The following VPS41 variants were observed in gnomAD, a reference collection of about 807,000 sequenced individuals.
VPS41 encodes VPS41 subunit of HOPS complex, also known as vacuolar protein sorting-associated protein 41 homolog.
In VPS41, 85 loss-of-function variants were observed where a neutral mutation model predicts 130.9. The observed-to-expected ratio is 0.65, with a 90% confidence interval of 0.55 to 0.78. The LOEUF (loss-of-function observed/expected upper bound fraction) is 0.78. VPS41 is among the 30% of genes least tolerant of loss of function. VPS41 has a pLI of 0.00. For synonymous variants in VPS41, 335 were observed against 332.9 expected (o/e 1.01, Z -0.07); for missense variants, 874 against 1,018.7 (o/e 0.86, Z 1.93).
At chr7:38,774,705 A>G (rs1046946986) in intron 11 of VPS41, among the ~76,000 whole-genome samples, 1 of 152,210 alleles carries the variant, frequency 6.6e-6, no homozygotes, top group Non-Finnish European at 1.5e-5. Context: ...TATGTATAAG[A>G]AAAGCATCAG....
In VPS41 at chr7:38,723,777, T is replaced by C. The variant is rs1041293874; in HGVS notation, c.*2469A>G. The C allele has an allele frequency of 1.4e-5, 2 of 147,208 alleles. No individual in the cohort carries two copies. The highest frequency in any genetic ancestry group is 5.1e-5 in the African/African-American group (2 of 39,242). 9.1% of individuals were successfully genotyped at this position (147,208 alleles called of 1,614,324 possible). ...AGAATAGCTTATGAAGTGTGTACTTTGCAACTATGTTCTTCCCCAAAACGA... is the reference window on the plus strand; with the variant it reads ...AGAATAGCTTATGAAGTGTGTACTTCGCAACTATGTTCTTCCCCAAAACGA... On this transcript the variant is annotated 3_prime_UTR_variant, in exon 29 of 29. Coordinates refer to ENST00000310301, the MANE Select transcript of VPS41 (RefSeq NM_014396.4).
rs775626175 is a variant in VPS41 at position 38,758,431 on chromosome 7, TG to T, written c.1472del (p.Ser491Ter). 6.2e-7 allele frequency: 1 copy of T among 1,613,346 alleles called. No individual in the cohort carries two copies. On this transcript the variant is annotated frameshift_variant, in exon 18 of 29. Transcript: ENST00000310301. LOFTEE classifies it high-confidence loss of function. ...GATCCCGAACTGCTTGAACTATGAC[TG>T]AATTATTATACAGATCTCCAGGCCA... ...REWPGDLYNN[S>X]VIVQAVRDHL...
rs1196599025 is a variant in VPS41 at position 38,731,752 on chromosome 7, T to A, written c.2260-2961A>T. 2.6e-5 allele frequency among the ~76,000 whole-genome samples: 4 copies of A among 151,142 alleles called. No individual in the cohort carries two copies. The East Asian group carries it at 7.8e-4, about 29-fold the overall frequency. On this transcript the variant is annotated intron_variant, in intron 25 of 28. Coordinates refer to ENST00000310301, the MANE Select transcript of VPS41 (RefSeq NM_014396.4). ...ATCTGAGCACTATCTTTCATTATTT[T>A]GTGCTATTTTTCTTTTTAAAATATG...
chr7:38,766,073 C>T (rs975562770), intron 15 of VPS41, among the ~76,000 whole-genome samples: 11 of 152,218 alleles, frequency 7.2e-5, no homozygotes, highest in Non-Finnish European at 2.9e-5. Flanking sequence ...TTATGCACTA[C>T]AAAATCAGAC....
intron 10 of VPS41, among the ~76,000 whole-genome samples, chr7:38,780,117 T>C (rs1352730705): frequency 6.6e-6 from 1 of 151,690 alleles, no homozygotes; most frequent in Non-Finnish European, 1.5e-5. Context: ...TAAACATAAA[T>C]TCTGCTAGAG....
chr7:38,809,214 G>A (rs1378395515), intron 7 of VPS41, among the ~76,000 whole-genome samples: 7 of 151,662 alleles, frequency 4.6e-5, no homozygotes, highest in African/African-American at 1.4e-4. Context: ...GCTGGGCATG[G>A]TGGCTGACGC....
intron 7 of VPS41, among the ~76,000 whole-genome samples, chr7:38,803,243 A>G (rs1052483193): frequency 1.3e-5 from 2 of 152,194 alleles, no homozygotes; most frequent in Non-Finnish European, 2.9e-5. Context: ...GCCCATCATT[A>G]CTTGTCACTC....
At chr7:38,856,048 T>C (rs1348859766) in intron 4 of VPS41, among the ~76,000 whole-genome samples, 1 of 152,164 alleles carries the variant, frequency 6.6e-6, no homozygotes, top group Non-Finnish European at 1.5e-5. Context: ...TGTCCTTATA[T>C]GGCCGGCAGG....
At chr7:38,889,882 G>C (rs2116410905) in intron 2 of VPS41, among the ~76,000 whole-genome samples, 1 of 152,266 alleles carries the variant, frequency 6.6e-6, no homozygotes, top group East Asian at 1.9e-4. Flanking sequence ...GGTGCTCAAA[G>C]TACATAAAGT....
intron 17 of VPS41, among the ~76,000 whole-genome samples, chr7:38,763,094 T>G (rs1420565662): frequency 1.3e-5 from 2 of 152,160 alleles, no homozygotes; most frequent in African/African-American, 4.8e-5. Flanking sequence ...AAAGGAAGTT[T>G]GTACTCTTCT....
intron 24 of VPS41, 84 bp from the exon 25 acceptor site, chr7:38,742,205 T>C: frequency 7.6e-7 from 1 of 1,319,490 alleles, no homozygotes; most frequent in Non-Finnish European, 1.0e-6. Context: ...TATAATGCAA[T>C]TTTAGATCAA....
rs564422141 is a variant in VPS41, at chr7:38,851,148, A to T, written c.246+11397T>A. The stretch of plus-strand genomic sequence containing the variant: ...AGTTGGTTCCTGGGCAACTTAAAGC[A>T]GTAACAAACCTGCTATTTTCTGTAA... On this transcript the variant is annotated intron_variant, in intron 4 of 28. Coordinates refer to ENST00000310301, the MANE Select transcript of VPS41 (RefSeq NM_014396.4). 2.6e-5 allele frequency among the ~76,000 whole-genome samples: 4 copies of T among 152,372 alleles called. No individual in the cohort carries two copies. The South Asian group carries it at 8.3e-4, about 32-fold the overall frequency.
At chr7:38,737,941 A>G (rs1326971504) in intron 25 of VPS41, among the ~76,000 whole-genome samples, 1 of 152,178 alleles carries the variant, frequency 6.6e-6, no homozygotes, top group East Asian at 1.9e-4. Flanking sequence ...TAGCCTTAAG[A>G]ATGTCTGCAG....
chr7:38,731,754 T>C (rs1795668212), intron 25 of VPS41, among the ~76,000 whole-genome samples: 1 of 150,458 alleles, frequency 6.6e-6, no homozygotes, highest in African/African-American at 2.4e-5. Context: ...CATTATTTTG[T>C]GCTATTTTTC....
At chr7:38,767,436 A>G (rs1366931809) in intron 15 of VPS41, 101 bp downstream of exon 15, 1 of 651,442 alleles carries the variant, frequency 1.5e-6, no homozygotes, top group Non-Finnish European at 2.4e-6. Context: ...AGAAAGATGT[A>G]CAAAAATAAA....
chr7:38,883,562 T>C (rs937859687), intron 2 of VPS41, among the ~76,000 whole-genome samples: 2 of 152,228 alleles, frequency 1.3e-5, no homozygotes, highest in African/African-American at 4.8e-5. Flanking sequence ...TGGTTTATTA[T>C]ATATTTAAGT....
chr7:38,880,599 G>A (rs954471537), intron 2 of VPS41, among the ~76,000 whole-genome samples: 6 of 152,038 alleles, frequency 3.9e-5, no homozygotes, highest in African/African-American at 7.2e-5. Flanking sequence ...TCCCTGATGC[G>A]ATTCTGAGAG....
intron 4 of VPS41, among the ~76,000 whole-genome samples, chr7:38,853,074 G>T (rs1251717344): frequency 1.3e-5 from 2 of 152,052 alleles, no homozygotes; most frequent in Non-Finnish European, 2.9e-5. Flanking sequence ...TATACATGAA[G>T]ACAAGAAGTC....
intron 7 of VPS41, among the ~76,000 whole-genome samples, chr7:38,806,527 T>C (rs1304540883): frequency 1.3e-5 from 2 of 152,152 alleles, no homozygotes; most frequent in Non-Finnish European, 2.9e-5. Context: ...TCTAAAATAA[T>C]TGAGATTACT....
Sources: allele counts gnomAD v4.1 joint callset (sites outside exome capture counted in the v4.1 genomes callset), GRCh38; gene constraint gnomAD v4.1.1; transcripts MANE v1.5; gene names NCBI Gene and HGNC (gene_info 2026-07-23, HGNC 2026-07-21).